The following MECOM variants were observed in gnomAD, a reference collection of about 807,000 sequenced individuals.
MECOM encodes histone-lysine N-methyltransferase MECOM.
MECOM carries 13 observed loss-of-function variants against 116.3 expected under a neutral mutation model. That is an observed-to-expected ratio of 0.11 (90% CI 0.07 to 0.18). MECOM has a LOEUF of 0.18. Among genes scored for constraint, MECOM ranks in the 10% least tolerant of loss-of-function variants. MECOM has a pLI of 1.00. For missense variants in MECOM, 1,299 were observed against 1,509.0 expected (o/e 0.86, Z 2.31); for synonymous variants, 528 against 535.2 (o/e 0.99, Z 0.19).
chr3:169,546,052 A>G (rs1760689938), intron 1 of MECOM, among the ~76,000 whole-genome samples: 2 of 152,192 alleles, frequency 1.3e-5, no homozygotes, highest in South Asian at 4.1e-4. Context: ...AACTAAATGA[A>G]GCTATTATTC....
chr3:169,440,754 A>G (rs967825915), intron 1 of MECOM, among the ~76,000 whole-genome samples: 1 of 152,106 alleles, frequency 6.6e-6, no homozygotes, highest in African/African-American at 2.4e-5. Flanking sequence ...TTTCCCCTTC[A>G]TATTGGTGAT....
intron 1 of MECOM, among the ~76,000 whole-genome samples, chr3:169,547,194 G>A (rs969349090): frequency 6.6e-6 from 1 of 152,124 alleles, no homozygotes; most frequent in African/African-American, 2.4e-5. Flanking sequence ...AGATCCGGTT[G>A]TTGGAAAGTA....
intron 1 of MECOM, among the ~76,000 whole-genome samples, chr3:169,645,164 T>C (rs1378249662): frequency 6.6e-6 from 1 of 152,212 alleles, no homozygotes; most frequent in African/African-American, 2.4e-5. Flanking sequence ...TGGAAGTCTG[T>C]GACTGATAGC....
intron 2 of MECOM, among the ~76,000 whole-genome samples, chr3:169,237,842 G>C (rs1262415978): frequency 6.6e-6 from 1 of 151,862 alleles, no homozygotes; most frequent in Non-Finnish European, 1.5e-5. Context: ...TTTCTATATT[G>C]GTACTTAACT....
chr3:169,378,073 C>G (rs1479375020), intron 2 of MECOM, among the ~76,000 whole-genome samples: 2 of 151,416 alleles, frequency 1.3e-5, no homozygotes, highest in African/African-American at 4.9e-5. Context: ...AACACAGAAA[C>G]AGAAAAACAA....
intron 1 of MECOM, among the ~76,000 whole-genome samples, chr3:169,461,488 T>C (rs773090569): frequency 9.9e-5 from 15 of 152,118 alleles, no homozygotes; most frequent in African/African-American, 4.8e-5. Context: ...ATTTTTCAAA[T>C]ATGAAAAATT....
chr3:169,493,653 G>T (rs1753418684), intron 1 of MECOM, among the ~76,000 whole-genome samples: 1 of 152,102 alleles, frequency 6.6e-6, no homozygotes, highest in African/African-American at 2.4e-5. Flanking sequence ...GATGGGAAAT[G>T]ATTTAATCTG....
At chr3:169,208,538 A>T (rs7622077) in intron 2 of MECOM, among the ~76,000 whole-genome samples, 1 of 151,714 alleles carries the variant, frequency 6.6e-6, no homozygotes, top group East Asian at 1.9e-4. Context: ...ATAGATATCC[A>T]AAACTAGTAA....
intron 1 of MECOM, among the ~76,000 whole-genome samples, chr3:169,514,387 G>C (rs1756365571): frequency 6.6e-6 from 1 of 152,166 alleles, no homozygotes; most frequent in Middle Eastern, 3.2e-3. Flanking sequence ...GTGGTGAATG[G>C]TTGGGGGACA....
chr3:169,624,244 T>A (rs754886990), intron 1 of MECOM, among the ~76,000 whole-genome samples: 2 of 152,194 alleles, frequency 1.3e-5, no homozygotes, highest in Non-Finnish European at 1.5e-5. Flanking sequence ...CTGGCTTGAA[T>A]AAAATGCCCC....
At chr3:169,472,508 GAAAGGAAAGGAAAGA>G (rs1375533513) in intron 1 of MECOM, among the ~76,000 whole-genome samples, 2 of 84,136 alleles carry the variant, frequency 2.4e-5, no homozygotes, top group Admixed American at 1.3e-4. Context: ...GAAAGGAAAG[GAAAGGAAAGGAAAGA>G]AAAGAAAAGA....
chr3:169,277,026 AC>A (rs1759669190), intron 2 of MECOM, among the ~76,000 whole-genome samples: 2 of 151,990 alleles, frequency 1.3e-5, no homozygotes, highest in Non-Finnish European at 2.9e-5. Flanking sequence ...ACACACACAC[AC>A]ACACACAAGT....
intron 2 of MECOM, among the ~76,000 whole-genome samples, chr3:169,199,916 A>T (rs1829142): frequency 0.27 from 40,624 of 151,940 alleles, 6,197 homozygotes; most frequent in African/African-American, 0.42. Context: ...CTGTATATCT[A>T]AATATCTGAG....
chr3:169,444,322 C>T (rs1275828322), intron 1 of MECOM, among the ~76,000 whole-genome samples: 1 of 152,150 alleles, frequency 6.6e-6, no homozygotes, highest in African/African-American at 2.4e-5. Flanking sequence ...GGCTGTGTCC[C>T]CACCCAAATC....
rs1165167849 is a variant in MECOM at position 169,507,650 on chromosome 3, C to CTTT, written c.38-126129_38-126127dup. On this transcript the variant is annotated intron_variant, in intron 1 of 16. Transcript: ENST00000651503. ...CAATTTTGGTTTAAATCCCCACTTG[C>CTTT]TTTTTTTTTTTTTTTTTTTTTTTTT... 4.6e-3 allele frequency among the ~76,000 whole-genome samples: 265 copies of CTTT among 57,110 alleles called. 48 individuals carry two copies. Among genetic ancestry groups the CTTT allele is most frequent in the African/African-American group, 0.018 (224 of 12,200 alleles). 37.5% of individuals were successfully genotyped at this position (57,110 alleles called of 152,430 possible).
chr3:169,422,626 A>G (rs1470528495), intron 1 of MECOM, among the ~76,000 whole-genome samples: 1 of 152,136 alleles, frequency 6.6e-6, no homozygotes, highest in Non-Finnish European at 1.5e-5. Context: ...ACAATTATTC[A>G]CATTTTAAAG....
chr3:169,364,775 A>G (rs1313064976), intron 2 of MECOM, among the ~76,000 whole-genome samples: 1 of 151,920 alleles, frequency 6.6e-6, no homozygotes, highest in African/African-American at 2.4e-5. Context: ...CTCAAAATTG[A>G]TGATGAAAGC....
rs189304880 is a variant in MECOM at position 169,346,835 on chromosome 3, C to A, written c.375+34352G>T. Among the ~76,000 whole-genome samples the A allele has an allele frequency of 9.9e-5, 15 of 152,100 alleles. No homozygotes were observed. The East Asian group carries it at 2.9e-3, about 29-fold the overall frequency. On this transcript the variant is annotated intron_variant, in intron 2 of 16. Transcript: ENST00000651503. ...CATATATAGTTCCATGGTTGGTTAG[C>A]ACAGCCATGGAAAATTGGCAGAACC...
At chr3:169,582,987 C>A (rs1215546772) in intron 1 of MECOM, among the ~76,000 whole-genome samples, 1 of 152,152 alleles carries the variant, frequency 6.6e-6, no homozygotes, top group East Asian at 1.9e-4. Flanking sequence ...TACAGATATA[C>A]ACACATAGAA....
Sources: allele counts gnomAD v4.1 joint callset (sites outside exome capture counted in the v4.1 genomes callset), GRCh38; gene constraint gnomAD v4.1.1; transcripts MANE v1.5; gene names NCBI Gene and HGNC (gene_info 2026-07-23, HGNC 2026-07-21).